The following TRAPPC8 variants were observed in gnomAD, a reference collection of about 807,000 sequenced individuals.
The protein encoded by TRAPPC8 is general sporulation gene 1 homolog.
A neutral mutation model predicts 174.3 loss-of-function variants in TRAPPC8; 54 were observed. That is an observed-to-expected ratio of 0.31 (90% CI 0.25 to 0.39). The LOEUF (loss-of-function observed/expected upper bound fraction) is 0.39. TRAPPC8 is among the 10% of genes least tolerant of loss of function. The pLI, the probability that TRAPPC8 is intolerant of heterozygous loss-of-function variation, is 1.00. For synonymous variants in TRAPPC8, 630 were observed against 579.9 expected (o/e 1.09, Z -1.24); for missense variants, 1,531 against 1,699.1 (o/e 0.90, Z 1.74).
intron 2 of TRAPPC8, among the ~76,000 whole-genome samples, chr18:31,929,106 C>T (rs548915901): frequency 4.0e-5 from 6 of 151,400 alleles, no homozygotes; most frequent in Non-Finnish European, 5.9e-5. Context: ...CTCTCGAACC[C>T]GGGAGGTGGA....
intron 27 of TRAPPC8, among the ~76,000 whole-genome samples, chr18:31,837,317 T>C (rs901002654): frequency 9.3e-6 from 1 of 108,102 alleles, no homozygotes; most frequent in Non-Finnish European, 2.0e-5. Flanking sequence ...TTGGAGACGT[T>C]ACTATGTAAA....
At chr18:31,875,687 A>C (rs1451155929) in intron 12 of TRAPPC8, among the ~76,000 whole-genome samples, 2 of 152,248 alleles carry the variant, frequency 1.3e-5, no homozygotes, top group Non-Finnish European at 2.9e-5. Context: ...ATATACCAGA[A>C]TGATATACAA....
At chr18:31,937,708 T>G (rs1384213939) in intron 1 of TRAPPC8, 1 of 152,236 alleles carries the variant, frequency 6.6e-6, no homozygotes, top group East Asian at 1.9e-4. Flanking sequence ...TCTACTTTTT[T>G]TTGTTGTTTT....
At chr18:31,849,157 TAAC>T (rs892866045) in intron 25 of TRAPPC8, among the ~76,000 whole-genome samples, 6 of 151,860 alleles carry the variant, frequency 4.0e-5, no homozygotes, top group African/African-American at 1.5e-4. Flanking sequence ...GCAAAAAAAT[TAAC>T]AATAAAAGAG....
intron 16 of TRAPPC8, among the ~76,000 whole-genome samples, chr18:31,868,747 G>C (rs992031350): frequency 1.3e-5 from 2 of 151,622 alleles, no homozygotes; most frequent in Non-Finnish European, 2.9e-5. Context: ...CTGTCTCCCA[G>C]GCTGGAGTAC....
rs1423584449 is a variant in TRAPPC8, at chr18:31,881,050, TTAAAA to T, written c.1729-6351_1729-6347del. On this transcript the variant is annotated intron_variant, in intron 12 of 28. Coordinates refer to ENST00000283351, the MANE Select transcript of TRAPPC8 (RefSeq NM_014939.5). Reference sequence around the variant, plus strand: ...CACAGATAAGGAAAAATCAATATAGTTAAAATAACTATATTGCCCAAAGCAATCTA... The same window carrying T: ...CACAGATAAGGAAAAATCAATATAGTTAACTATATTGCCCAAAGCAATCTA... Among the ~76,000 whole-genome samples the T allele has an allele frequency of 4.6e-5, 7 of 151,686 alleles. No homozygotes were observed. The East Asian group carries it at 1.2e-3, about 25-fold the overall frequency.
At chr18:31,882,899 G>A (rs1352055152) in intron 12 of TRAPPC8, among the ~76,000 whole-genome samples, 4 of 150,000 alleles carry the variant, frequency 2.7e-5, no homozygotes, top group Non-Finnish European at 5.9e-5. Flanking sequence ...ACACGCATGA[G>A]CCACCATGCC....
intron 16 of TRAPPC8, among the ~76,000 whole-genome samples, chr18:31,867,835 C>T (rs559834562): frequency 3.6e-4 from 55 of 152,034 alleles, no homozygotes; most frequent in African/African-American, 1.3e-3. Context: ...GTCAAGATGG[C>T]GCCACTGCAC....
At chr18:31,862,354 G>T (rs1026002492) in intron 19 of TRAPPC8, among the ~76,000 whole-genome samples, 1 of 151,232 alleles carries the variant, frequency 6.6e-6, no homozygotes, top group Non-Finnish European at 1.5e-5. Flanking sequence ...AAAAAAAAAT[G>T]ATGAAGCAAC....
At chr18:31,915,970 T>C (rs1410492173) in intron 4 of TRAPPC8, among the ~76,000 whole-genome samples, 2 of 149,970 alleles carry the variant, frequency 1.3e-5, no homozygotes, top group Non-Finnish European at 3.0e-5. Context: ...GGCAGGAGAA[T>C]TGCTTGAACC....
intron 21 of TRAPPC8, 40 bp downstream of exon 21, chr18:31,855,620 A>G: frequency 6.4e-7 from 1 of 1,561,538 alleles, no homozygotes; most frequent in Non-Finnish European, 8.6e-7. Context: ...AAACACTTCA[A>G]ATATAATTAA....
At chr18:31,883,239 AAAAAG>A (rs1233435104) in intron 12 of TRAPPC8, 3 of 151,642 alleles carry the variant, frequency 2.0e-5, no homozygotes, top group Non-Finnish European at 4.4e-5. Flanking sequence ...AAAAAAAAAA[AAAAAG>A]AGAGAGGTAC....
At chr18:31,917,816 T>C (rs1465919838) in intron 2 of TRAPPC8, 149 bp from the exon 3 acceptor site, 11 of 662,612 alleles carry the variant, frequency 1.7e-5, no homozygotes, top group Non-Finnish European at 2.8e-5. Context: ...CAGATGTACA[T>C]GTGTGTATAT....
intron 27 of TRAPPC8, among the ~76,000 whole-genome samples, chr18:31,834,964 T>C (rs905573279): frequency 1.4e-4 from 21 of 152,210 alleles, no homozygotes; most frequent in Non-Finnish European, 2.6e-4. Flanking sequence ...CTCTCAACAA[T>C]AGATGCTGTA....
At chr18:31,834,192 C>T (rs1049712362) in intron 27 of TRAPPC8, among the ~76,000 whole-genome samples, 4 of 151,882 alleles carry the variant, frequency 2.6e-5, no homozygotes, top group Non-Finnish European at 4.4e-5. Flanking sequence ...TCACTGCACC[C>T]TCAGCTTCCC....
chr18:31,929,037 C>T (rs751177341), intron 2 of TRAPPC8, among the ~76,000 whole-genome samples: 10 of 151,950 alleles, frequency 6.6e-5, no homozygotes, highest in Admixed American at 2.6e-4. Context: ...AAAAAATTAG[C>T]TGGGCGTGGT....
At chr18:31,880,112 T>C (rs2035363989) in intron 12 of TRAPPC8, among the ~76,000 whole-genome samples, 1 of 90,866 alleles carries the variant, frequency 1.1e-5, no homozygotes, top group Non-Finnish European at 2.3e-5. Context: ...TATATATATA[T>C]ATATATATAT....
intron 5 of TRAPPC8, among the ~76,000 whole-genome samples, chr18:31,912,443 G>C (rs904873539): frequency 2.0e-5 from 3 of 151,950 alleles, no homozygotes; most frequent in African/African-American, 7.3e-5. Context: ...AGTGAGCCAA[G>C]ATCGCGCCAT....
chr18:31,916,533 G>A, intron 3 of TRAPPC8, 87 bp from the exon 4 acceptor site: 1 of 1,279,600 alleles, frequency 7.8e-7, no homozygotes, highest in East Asian at 2.7e-5. Context: ...GTTTTTGTTT[G>A]TTTGTTTGTT....
Sources: gnomAD v4.1 joint callset for allele counts (sites outside exome capture counted in the v4.1 genomes callset) on GRCh38, gnomAD v4.1.1 for gene constraint, MANE v1.5 for transcripts, NCBI Gene and HGNC (gene_info 2026-07-23, HGNC 2026-07-21) for gene names.